The following TMEM150C variants were observed in gnomAD, a reference collection of about 807,000 sequenced individuals.
TMEM150C encodes tentonin 3.
Under a neutral mutation model 29.9 loss-of-function variants are expected in TMEM150C, and 10 were observed. That is an observed-to-expected ratio of 0.33 (90% CI 0.21 to 0.57). The LOEUF is 0.57. Ranked by LOEUF, TMEM150C falls within the 20% of genes least tolerant of loss-of-function variation. The pLI is 0.88. For synonymous variants in TMEM150C, 101 were observed against 112.5 expected (o/e 0.90, Z 0.64); for missense variants, 251 against 303.6 (o/e 0.83, Z 1.29).
chr4:82,509,949 A>C (rs1348097068), intron 1 of TMEM150C, among the ~76,000 whole-genome samples: 3 of 152,214 alleles, frequency 2.0e-5, no homozygotes, highest in Non-Finnish European at 4.4e-5. Flanking sequence ...ACCCATGCTA[A>C]TCCTTGAGGA....
In TMEM150C at chr4:82,496,096, A is replaced by G. The variant is rs1482928437; in HGVS notation, c.335T>C (p.Phe112Ser). The change falls in exon 6 of 8, where the codon TTC becomes TCC. Residue 112 changes from phenylalanine (F) to serine (S), a missense_variant. Coordinates refer to ENST00000449862, the MANE Select transcript of TMEM150C (RefSeq NM_001080506.3). ...SGLVALCLAS[F>S]GMTLLGNFQL... ...AAAATTACCAAGTAAGGTCATTCCG[A>G]AGGAAGCCAGACACAGAGCCACCAA... 6.2e-7 allele frequency: 1 copy of G among 1,613,864 alleles called. No individual in the cohort carries two copies. The highest frequency in any genetic ancestry group is 1.3e-5 in the African/African-American group (1 of 74,928).
At chr4:82,561,651 A>AGAGCCGGCACCGACTCCTGGAC (rs1725934902) in intron 1 of TMEM150C, among the ~76,000 whole-genome samples, 1 of 147,060 alleles carries the variant, frequency 6.8e-6, no homozygotes, top group African/African-American at 2.4e-5. Flanking sequence ...GTCGCGGGGC[A>AGAGCCGGCACCGACTCCTGGAC]GAGCCGGCAC....
At chr4:82,511,207 C>T (rs1484640571) in intron 1 of TMEM150C, among the ~76,000 whole-genome samples, 2 of 152,106 alleles carry the variant, frequency 1.3e-5, no homozygotes, top group African/African-American at 4.8e-5. Flanking sequence ...GAGGCCAATC[C>T]CCCTGTTCCT....
chr4:82,511,367 C>T (rs923064056), intron 1 of TMEM150C, among the ~76,000 whole-genome samples: 5 of 152,026 alleles, frequency 3.3e-5, no homozygotes, highest in African/African-American at 1.2e-4. Context: ...AGGCAATCAC[C>T]TTCATTCAAC....
At chr4:82,551,196 C>T (rs1725565357) in intron 1 of TMEM150C, among the ~76,000 whole-genome samples, 1 of 152,124 alleles carries the variant, frequency 6.6e-6, no homozygotes, top group Admixed American at 6.5e-5. Context: ...CCTCATTCAG[C>T]AATGAGACTT....
At chr4:82,514,770 A>T (rs1724237423) in intron 1 of TMEM150C, among the ~76,000 whole-genome samples, 2 of 152,188 alleles carry the variant, frequency 1.3e-5, no homozygotes, top group Non-Finnish European at 2.9e-5. Flanking sequence ...TGCCTGGCAC[A>T]TACTCATTTC....
At chr4:82,509,076 C>G (rs1724033149) in intron 1 of TMEM150C, among the ~76,000 whole-genome samples, 1 of 152,282 alleles carries the variant, frequency 6.6e-6, no homozygotes, top group East Asian at 1.9e-4. Context: ...ACTGCAAACT[C>G]TCTGTATATT....
chr4:82,520,137 C>T (rs1378994022), intron 1 of TMEM150C, among the ~76,000 whole-genome samples: 3 of 152,170 alleles, frequency 2.0e-5, no homozygotes, highest in Non-Finnish European at 4.4e-5. Context: ...TTTACATTAT[C>T]TGGACTTGTG....
At chr4:82,504,947 G>A (rs1723865303) in intron 1 of TMEM150C, among the ~76,000 whole-genome samples, 1 of 152,064 alleles carries the variant, frequency 6.6e-6, no homozygotes, top group African/African-American at 2.4e-5. Context: ...GGAGAATGGC[G>A]TGAACCTAGG....
intron 1 of TMEM150C, among the ~76,000 whole-genome samples, chr4:82,535,570 C>T (rs979007348): frequency 6.6e-6 from 1 of 152,096 alleles, no homozygotes; most frequent in Non-Finnish European, 1.5e-5. Context: ...CCATGCAATT[C>T]CCAGTCAGGA....
intron 1 of TMEM150C, among the ~76,000 whole-genome samples, chr4:82,510,727 A>G (rs1462748125): frequency 1.3e-5 from 2 of 152,144 alleles, no homozygotes; most frequent in Non-Finnish European, 2.9e-5. Flanking sequence ...TTATCAGGAA[A>G]TGAGCTTCCT....
At chr4:82,539,476 A>G (rs1429329587) in intron 1 of TMEM150C, among the ~76,000 whole-genome samples, 2 of 118,230 alleles carry the variant, frequency 1.7e-5, no homozygotes, top group East Asian at 4.7e-4. Context: ...TTTTTGAGAC[A>G]GAGTCTCGCT....
intron 6 of TMEM150C, among the ~76,000 whole-genome samples, chr4:82,492,898 A>ATT (rs1367287202): frequency 1.5e-5 from 2 of 136,106 alleles, no homozygotes; most frequent in Non-Finnish European, 3.1e-5. Context: ...ATATATATAT[A>ATT]TGTATTTGAG....
At chr4:82,502,845 T>C (rs768838507) in intron 4 of TMEM150C, 50 bp downstream of exon 4, 60 of 1,588,670 alleles carry the variant, frequency 3.8e-5, no homozygotes, top group South Asian at 3.0e-4. Flanking sequence ...TCTATAATCC[T>C]CCTAACTTTT....
Position 82,484,175 on chromosome 4 carries a change from C to T in TMEM150C, c.*1336G>A, listed in dbSNP as rs1404171651. 2.0e-5 allele frequency: 3 copies of T among 152,052 alleles called. No homozygotes were observed. Among genetic ancestry groups the T allele is most frequent in the South Asian group, 4.2e-4 (2 of 4,814 alleles). The allele number at this position is 152,052 out of a possible 1,614,324, so 9.4% of individuals were successfully genotyped here. On this transcript the variant is annotated 3_prime_UTR_variant, in exon 8 of 8. Coordinates refer to ENST00000449862, the MANE Select transcript of TMEM150C (RefSeq NM_001080506.3). ...GGGATTTCTTGGAAGAAAGTGCACT[C>T]ATGGAGGGTCTGTCCACTTGGCTCA...
chr4:82,519,325 G>A (rs1724400442), intron 1 of TMEM150C, among the ~76,000 whole-genome samples: 1 of 151,936 alleles, frequency 6.6e-6, no homozygotes, highest in Non-Finnish European at 1.5e-5. Flanking sequence ...ATCCACAAAG[G>A]ACACACACAT....
intron 5 of TMEM150C, among the ~76,000 whole-genome samples, chr4:82,502,290 T>G (rs1405963873): frequency 6.6e-6 from 1 of 152,224 alleles, no homozygotes; most frequent in Non-Finnish European, 1.5e-5. Flanking sequence ...AATGCTGATG[T>G]TGACCTTTAG....
At chr4:82,521,054 CCT>C (rs1202892766) in intron 1 of TMEM150C, among the ~76,000 whole-genome samples, 1 of 152,294 alleles carries the variant, frequency 6.6e-6, no homozygotes, top group African/African-American at 2.4e-5. Context: ...TGTACTGTCC[CCT>C]GTCCCGCCAG....
intron 1 of TMEM150C, among the ~76,000 whole-genome samples, chr4:82,527,019 CTTTTTTTTTTT>C (rs893109064): frequency 8.0e-5 from 6 of 74,720 alleles, no homozygotes; most frequent in South Asian, 6.0e-4. Context: ...CATACTGGGT[CTTTTTTTTTTT>C]TTTTTTTTTT....
Sources: allele counts gnomAD v4.1 joint callset (sites outside exome capture counted in the v4.1 genomes callset), GRCh38; gene constraint gnomAD v4.1.1; transcripts MANE v1.5; gene names NCBI Gene and HGNC (gene_info 2026-07-23, HGNC 2026-07-21).